Variants in LYPD6 observed in about 807,000 individuals in gnomAD.
LYPD6 encodes LY6/PLAUR domain containing 6.
A neutral mutation model predicts 22.7 loss-of-function variants in LYPD6; 15 were observed. The observed-to-expected ratio is 0.66, with a 90% CI of 0.44 to 1.02. The LOEUF (loss-of-function observed/expected upper bound fraction) is 1.02. Ranked by LOEUF, LYPD6 falls within the 50% of genes least tolerant of loss-of-function variation. LYPD6 has a pLI of 0.00. For synonymous variants in LYPD6, 72 were observed against 77.5 expected, an observed-to-expected ratio of 0.93 and a Z score of 0.37; for missense variants, 189 against 208.4, an observed-to-expected ratio of 0.91 and a Z score of 0.57.
chr2:149,482,586 A>G, the LYPD6 span, among the ~76,000 whole-genome samples: 1 of 152,130 alleles, frequency 6.6e-6, no homozygotes, highest in African/African-American at 2.4e-5. Flanking sequence ...CTGAGCTCCC[A>G]TATATCATTC....
intron 1 of LYPD6, among the ~76,000 whole-genome samples, chr2:149,405,859 T>C (rs1682691577): frequency 6.7e-6 from 1 of 148,244 alleles, no homozygotes; most frequent in Non-Finnish European, 1.5e-5. Flanking sequence ...CTGCTTTCTC[T>C]TGTGGGCATT....
chr2:149,368,224 G>A (rs990615381), intron 1 of LYPD6: 1 of 152,302 alleles, frequency 6.6e-6, no homozygotes, highest in Admixed American at 6.5e-5. Context: ...GAATTAGTTG[G>A]ACTTAACCTT....
At chr2:149,416,262 G>T (rs1322196159) in intron 1 of LYPD6, among the ~76,000 whole-genome samples, 5 of 152,258 alleles carry the variant, frequency 3.3e-5, no homozygotes, top group Middle Eastern at 6.8e-3. Flanking sequence ...TATCACCTTG[G>T]TGGGTCTTGC....
intron 1 of LYPD6, among the ~76,000 whole-genome samples, chr2:149,339,092 A>G (rs989880396): frequency 6.6e-6 from 1 of 152,172 alleles, no homozygotes; most frequent in Non-Finnish European, 1.5e-5. Context: ...CTTGGAAGAT[A>G]AAGACTCAAG....
intron 3 of LYPD6, among the ~76,000 whole-genome samples, chr2:149,467,790 A>T (rs531022326): frequency 2.1e-4 from 32 of 152,178 alleles, no homozygotes; most frequent in Non-Finnish European, 3.8e-4. Context: ...CCAGACTTAG[A>T]GAGCTGAACA....
At chr2:149,358,263 T>C (rs1248862868) in intron 1 of LYPD6, among the ~76,000 whole-genome samples, 1 of 152,222 alleles carries the variant, frequency 6.6e-6, no homozygotes, top group Non-Finnish European at 1.5e-5. Flanking sequence ...TCATATTCAT[T>C]CACTCAGTCA....
At chr2:149,426,134 T>C (rs116085548) in intron 1 of LYPD6, among the ~76,000 whole-genome samples, 2,742 of 152,310 alleles carry the variant, frequency 0.018, 50 homozygotes, top group Non-Finnish European at 0.022. Context: ...TGTTTGAATT[T>C]TTTTTCTTTT....
chr2:149,349,929 C>CA (rs1681327934), intron 1 of LYPD6, among the ~76,000 whole-genome samples: 1 of 151,746 alleles, frequency 6.6e-6, no homozygotes, highest in African/African-American at 2.4e-5. Context: ...AGAGAGATGG[C>CA]AATTTCATTA....
chr2:149,374,785 A>G (rs1681881114), intron 1 of LYPD6, among the ~76,000 whole-genome samples: 1 of 152,248 alleles, frequency 6.6e-6, no homozygotes. Flanking sequence ...TAATATTTTC[A>G]GGATGAAATT....
intron 1 of LYPD6, among the ~76,000 whole-genome samples, chr2:149,404,673 C>T (rs1682653123): frequency 6.6e-6 from 1 of 152,200 alleles, no homozygotes; most frequent in Admixed American, 6.5e-5. Flanking sequence ...ATCATGTCGT[C>T]TGCAAACAGG....
intron 1 of LYPD6, among the ~76,000 whole-genome samples, chr2:149,389,019 G>A (rs1276652635): frequency 6.6e-6 from 1 of 152,048 alleles, no homozygotes; most frequent in Non-Finnish European, 1.5e-5. Flanking sequence ...TTTACTGTGG[G>A]CATTGTCAGA....
At position 149,424,973 on chromosome 2, in the gene LYPD6, C is replaced by T. The variant is rs1404859516; in HGVS notation, c.-71-12665C>T. Among the ~76,000 whole-genome samples the T allele has an allele frequency of 2.6e-5, 4 of 152,164 alleles. No homozygotes were observed. In the East Asian group the frequency reaches 7.7e-4, roughly 29 times the overall value. ...GGAGACTGGAAAGCTTCAATGGGAT[C>T]ACCTTGGATCAGGGAGTCCAGGGCA... On this transcript the variant is annotated intron_variant, in intron 1 of 4. Coordinates refer to ENST00000334166, the MANE Select transcript of LYPD6 (RefSeq NM_194317.5).
intron 1 of LYPD6, among the ~76,000 whole-genome samples, chr2:149,362,079 G>C (rs577909781): frequency 6.6e-6 from 1 of 152,326 alleles, no homozygotes; most frequent in South Asian, 2.1e-4. Flanking sequence ...AAACTGTGCA[G>C]ATGCTTGATT....
At chr2:149,363,809 C>T (rs1443281081) in intron 1 of LYPD6, among the ~76,000 whole-genome samples, 4 of 151,958 alleles carry the variant, frequency 2.6e-5, no homozygotes, top group African/African-American at 9.7e-5. Flanking sequence ...CAGATTTCCT[C>T]ATACCAGGAT....
intron 2 of LYPD6, among the ~76,000 whole-genome samples, chr2:149,440,735 C>G (rs2105153648): frequency 8.4e-6 from 1 of 119,634 alleles, no homozygotes; most frequent in African/African-American, 3.3e-5. Context: ...GAGTCTCACT[C>G]TGTCGCCCAG....
intron 1 of LYPD6, among the ~76,000 whole-genome samples, chr2:149,347,263 G>T (rs1681275238): frequency 6.6e-6 from 1 of 152,142 alleles, no homozygotes; most frequent in Admixed American, 6.5e-5. Context: ...ATTCAAGAGA[G>T]CCCCACCATC....
At chr2:149,391,465 T>C (rs966457192) in intron 1 of LYPD6, among the ~76,000 whole-genome samples, 7 of 152,256 alleles carry the variant, frequency 4.6e-5, no homozygotes, top group Non-Finnish European at 7.4e-5. Context: ...GTGGGTTTTT[T>C]TTTTCTTTAA....
the LYPD6 span, among the ~76,000 whole-genome samples, chr2:149,479,507 A>G: frequency 6.6e-6 from 1 of 152,076 alleles, no homozygotes; most frequent in Admixed American, 6.6e-5. Context: ...CCAAAACCAA[A>G]TGTATCATCC....
At chr2:149,351,434 T>C (rs1412019495) in intron 1 of LYPD6, among the ~76,000 whole-genome samples, 1 of 151,328 alleles carries the variant, frequency 6.6e-6, no homozygotes, top group African/African-American at 2.4e-5. Context: ...ACAAGCCTAT[T>C]TGAGTATTTT....
Sources: allele counts gnomAD v4.1 joint callset (sites outside exome capture counted in the v4.1 genomes callset), GRCh38; gene constraint gnomAD v4.1.1; transcripts MANE v1.5; gene names NCBI Gene and HGNC (gene_info 2026-07-23, HGNC 2026-07-21).